The following CNTN5 variants were observed in gnomAD, a reference collection of about 807,000 sequenced individuals.
CNTN5 encodes contactin 5, also known as contactin-5.
CNTN5 carries 77 observed loss-of-function variants against 129.1 expected under a neutral mutation model. That is an observed-to-expected ratio of 0.60 (90% CI 0.50 to 0.72). The LOEUF (loss-of-function observed/expected upper bound fraction) is 0.72. CNTN5 is among the 30% of genes least tolerant of loss of function. CNTN5 has a pLI of 0.00. For missense variants in CNTN5, 1,478 were observed against 1,328.8 expected (o/e 1.11, Z -1.75); for synonymous variants, 509 against 465.6 (o/e 1.09, Z -1.20).
intron 24 of CNTN5, among the ~76,000 whole-genome samples, chr11:100,354,921 G>A (rs550234975): frequency 6.6e-6 from 1 of 151,808 alleles, no homozygotes; most frequent in East Asian, 1.9e-4. Context: ...AGAGCTTGCA[G>A]GGCTGGAAGT....
At chr11:99,566,860 T>C (rs1949022199) in intron 3 of CNTN5, among the ~76,000 whole-genome samples, 1 of 152,174 alleles carries the variant, frequency 6.6e-6, no homozygotes, top group Non-Finnish European at 1.5e-5. Context: ...TTGGAGGTTT[T>C]TGAAAAAGCA....
intron 2 of CNTN5, among the ~76,000 whole-genome samples, chr11:99,539,051 C>A (rs1365751398): frequency 1.3e-5 from 2 of 151,948 alleles, no homozygotes; most frequent in Non-Finnish European, 2.9e-5. Context: ...ACTTTTCCAG[C>A]CACACGATAC....
At chr11:99,353,406 A>T (rs1006449046) in intron 2 of CNTN5, among the ~76,000 whole-genome samples, 1 of 152,194 alleles carries the variant, frequency 6.6e-6, no homozygotes, top group Admixed American at 6.5e-5. Flanking sequence ...AGTTGAGTGT[A>T]TGCTTGTCCA....
intron 1 of CNTN5, among the ~76,000 whole-genome samples, chr11:99,029,074 C>T (rs1371528501): frequency 2.0e-5 from 3 of 151,598 alleles, no homozygotes; most frequent in Non-Finnish European, 4.4e-5. Flanking sequence ...TACAAAATAC[C>T]TGTCATAATA....
chr11:100,350,486 C>T (rs891963520), intron 23 of CNTN5, among the ~76,000 whole-genome samples: 13 of 151,732 alleles, frequency 8.6e-5, no homozygotes, highest in African/African-American at 3.1e-4. Flanking sequence ...GGAAGTCCTT[C>T]ACTAAACCCC....
chr11:100,206,920 A>G (rs920793672), intron 15 of CNTN5, among the ~76,000 whole-genome samples: 2 of 152,048 alleles, frequency 1.3e-5, no homozygotes, highest in Non-Finnish European at 2.9e-5. Flanking sequence ...AGAATTGTAT[A>G]TCCTTATATA....
intron 7 of CNTN5, among the ~76,000 whole-genome samples, chr11:99,954,895 C>A (rs2136162757): frequency 6.6e-6 from 1 of 152,198 alleles, no homozygotes; most frequent in Non-Finnish European, 1.5e-5. Flanking sequence ...ATTTTTGAGT[C>A]CCCAAATACT....
intron 2 of CNTN5, among the ~76,000 whole-genome samples, chr11:99,460,162 A>G (rs961796241): frequency 1.3e-5 from 2 of 151,886 alleles, no homozygotes; most frequent in Non-Finnish European, 2.9e-5. Context: ...CAAACATCAG[A>G]AAAAAATATA....
rs201009824 is a variant in CNTN5 at position 100,299,332 on chromosome 11, C to A, written c.2556C>A (p.Gly852=). Residue 852 remains glycine, a synonymous_variant, in exon 20 of 25, where the codon GGC becomes GGA. Coordinates refer to ENST00000524871, the MANE Select transcript of CNTN5 (RefSeq NM_014361.4). ...PPLTPFEVKV[G]VYNNKGDGPF... is the part of the protein sequence containing the mutation. ...TTACTCCCTTTGAAGTGAAAGTTGG[C>A]GTTTATAACAATAAAGGAGATGGGC... The A allele has an allele frequency of 6.8e-6, 11 of 1,610,350 alleles. No individual in the cohort carries two copies. Among genetic ancestry groups the A allele is most frequent in the East Asian group, 2.2e-5 (1 of 44,774 alleles).
intron 6 of CNTN5, among the ~76,000 whole-genome samples, chr11:99,898,326 G>C (rs1016443457): frequency 2.6e-4 from 39 of 151,300 alleles, no homozygotes; most frequent in African/African-American, 9.0e-4. Context: ...GCTAGCCTAA[G>C]GAAAAAAAAG....
chr11:99,339,559 C>T (rs529014098), intron 2 of CNTN5, among the ~76,000 whole-genome samples: 139 of 152,110 alleles, frequency 9.1e-4, no homozygotes, highest in Non-Finnish European at 1.6e-3. Flanking sequence ...ACGGGTGGAT[C>T]ACGAAGTCAG....
At chr11:100,190,550 A>G (rs1049405142) in intron 13 of CNTN5, among the ~76,000 whole-genome samples, 1 of 152,118 alleles carries the variant, frequency 6.6e-6, no homozygotes, top group African/African-American at 2.4e-5. Context: ...GCCCAAATGC[A>G]AACTTAGATA....
At chr11:100,028,527 T>C (rs2137599923) in intron 9 of CNTN5, among the ~76,000 whole-genome samples, 1 of 152,314 alleles carries the variant, frequency 6.6e-6, no homozygotes, top group South Asian at 2.1e-4. Context: ...GGGAGCATTG[T>C]TTACTTTATG....
chr11:99,508,666 A>G (rs1376786355), intron 2 of CNTN5, among the ~76,000 whole-genome samples: 3 of 149,236 alleles, frequency 2.0e-5, no homozygotes, highest in Non-Finnish European at 3.0e-5. Context: ...GCAACGCATA[A>G]TATAATTTTT....
chr11:99,144,678 T>G lies in CNTN5; in HGVS notation c.-210+123408T>G, dbSNP rs898108823. The stretch of plus-strand genomic sequence containing the variant: ...AACACCTGTCTTCAAGTTCAGAAAT[T>G]GTTTCTTCTGATTAATATACTTTAT... On this transcript the variant is annotated intron_variant, in intron 1 of 24. Transcript: ENST00000524871. Among the ~76,000 whole-genome samples, 24 of 152,318 alleles carry G rather than the reference T, an allele frequency of 1.6e-4. No homozygotes were observed. The South Asian group carries it at 4.8e-3, about 30-fold the overall frequency.
intron 3 of CNTN5, among the ~76,000 whole-genome samples, chr11:99,805,997 G>A (rs1023602819): frequency 6.6e-6 from 1 of 152,200 alleles, no homozygotes; most frequent in African/African-American, 2.4e-5. Flanking sequence ...GGTGTCACTA[G>A]TAATACACAT....
chr11:99,218,563 C>T (rs1040899035), intron 1 of CNTN5, among the ~76,000 whole-genome samples: 2 of 152,044 alleles, frequency 1.3e-5, no homozygotes, highest in Non-Finnish European at 1.5e-5. Context: ...CACATGTAAA[C>T]CAGGACAACC....
intron 6 of CNTN5, among the ~76,000 whole-genome samples, chr11:99,907,662 TAA>T (rs570965262): frequency 5.3e-5 from 8 of 151,878 alleles, no homozygotes; most frequent in Non-Finnish European, 1.2e-4. Flanking sequence ...GATGTGAATA[TAA>T]AGTCTTCTAA....
chr11:99,702,576 TACTA>T (rs1471441795), intron 3 of CNTN5, among the ~76,000 whole-genome samples: 1 of 150,958 alleles, frequency 6.6e-6, no homozygotes, highest in East Asian at 1.9e-4. Context: ...ACTAGATGCA[TACTA>T]ACTCATTCTC....
Sources: gnomAD v4.1 joint callset for allele counts (sites outside exome capture counted in the v4.1 genomes callset) on GRCh38, gnomAD v4.1.1 for gene constraint, MANE v1.5 for transcripts, NCBI Gene and HGNC (gene_info 2026-07-23, HGNC 2026-07-21) for gene names.